The following EEF2K variants were observed in gnomAD, a reference collection of about 807,000 sequenced individuals.
EEF2K encodes the protein alternative protein EEF2K.
In EEF2K, 70 loss-of-function variants were observed where a neutral mutation model predicts 93.8. The ratio of observed to expected loss-of-function variants is 0.75; its 90% CI spans 0.62 to 0.91. EEF2K has a LOEUF of 0.91. EEF2K is among the 40% of genes least tolerant of loss of function. The pLI is 0.00. For missense variants in EEF2K, 935 were observed against 972.9 expected (o/e 0.96, Z 0.52); for synonymous variants, 376 against 380.8 (o/e 0.99, Z 0.15).
chr16:22,257,291 G>T lies in EEF2K; in HGVS notation c.807G>T (p.Gln269His). 6.2e-7 allele frequency: 1 copy of T among 1,614,142 alleles called. No homozygotes were observed. The highest frequency in any genetic ancestry group is 2.2e-5 in the East Asian group (1 of 44,870). Residue 269 changes from glutamine to histidine, a missense_variant, in exon 8 of 18, where the codon CAG becomes CAT. Physicochemically the swap from Gln to His is conservative, Grantham distance 24. Coordinates refer to ENST00000263026, the MANE Select transcript of EEF2K (RefSeq NM_013302.5). ...SHFTFERSGH[Q>H]LIVVDIQGVG... Reference sequence around the variant, plus strand: ...TCACTTTTGAGCGTTCCGGCCATCAGCTGATAGTGGTGGACATCCAGGGAG... The same window carrying T: ...TCACTTTTGAGCGTTCCGGCCATCATCTGATAGTGGTGGACATCCAGGGAG...
Position 22,250,763 on chromosome 16 carries a change from G to A in EEF2K, c.446+72G>A, listed in dbSNP as rs1301610213. ...AGGCTCCTAAGAGCTGAGGCATTGGGACATTTTCAGCCAAGGAATGGAGCC... is the reference window on the plus strand; with the variant it reads ...AGGCTCCTAAGAGCTGAGGCATTGGAACATTTTCAGCCAAGGAATGGAGCC... On this transcript the variant is annotated intron_variant, in intron 5 of 17. Coordinates refer to ENST00000263026, the MANE Select transcript of EEF2K (RefSeq NM_013302.5). The A allele has an allele frequency of 3.8e-6, 6 of 1,597,746 alleles. No individual in the cohort carries two copies. The East Asian group carries it at 1.1e-4, about 30-fold the overall frequency.
intron 2 of EEF2K, among the ~76,000 whole-genome samples, chr16:22,239,427 A>C (rs2047199412): frequency 6.6e-6 from 1 of 152,194 alleles, no homozygotes; most frequent in Non-Finnish European, 1.5e-5. Context: ...CTGAATTCTC[A>C]ACCCTGCAGG....
intron 1 of EEF2K, among the ~76,000 whole-genome samples, chr16:22,221,257 T>TG (rs1231001789): frequency 6.6e-6 from 1 of 151,624 alleles, no homozygotes; most frequent in Admixed American, 6.6e-5. Flanking sequence ...GAGGCCAAGG[T>TG]GGGAGGATCA....
Position 22,251,219 on chromosome 16 carries a change from A to C in EEF2K, c.515A>C (p.Tyr172Ser), listed in dbSNP as rs1335075505. Residue 172 changes from tyrosine to serine, a missense_variant, in exon 6 of 18, where the codon TAC (tyrosine) becomes TCC (serine). By Grantham distance (144) the Tyr-to-Ser change is moderately radical. Coordinates refer to ENST00000263026, the MANE Select transcript of EEF2K (RefSeq NM_013302.5). Reference sequence around the variant, plus strand: ...GCCTCCAACTACGTGGCGAAGCGCTACATCGAGCCCGTAGACCGGGATGTG... The same window carrying C: ...GCCTCCAACTACGTGGCGAAGCGCTCCATCGAGCCCGTAGACCGGGATGTG... ...KGASNYVAKR[Y>S]IEPVDRDVYF... 6.2e-7 allele frequency: 1 copy of C among 1,614,112 alleles called. No homozygotes were observed. Among genetic ancestry groups the C allele is most frequent in the Non-Finnish European group, 8.5e-7 (1 of 1,180,006 alleles).
intron 15 of EEF2K, among the ~76,000 whole-genome samples, chr16:22,270,171 T>C (rs1421213809): frequency 2.6e-5 from 4 of 151,504 alleles, no homozygotes; most frequent in African/African-American, 9.7e-5. Context: ...CAGGCTGGAG[T>C]GTGATGGCAT....
intron 1 of EEF2K, among the ~76,000 whole-genome samples, chr16:22,210,070 C>T (rs1047609336): frequency 1.3e-5 from 2 of 152,200 alleles, no homozygotes; most frequent in Non-Finnish European, 2.9e-5. Flanking sequence ...GTTAGGATCA[C>T]AGGCATGAGC....
intron 15 of EEF2K, among the ~76,000 whole-genome samples, chr16:22,272,922 C>T (rs757024156): frequency 5.3e-5 from 8 of 152,154 alleles, no homozygotes; most frequent in Non-Finnish European, 1.0e-4. Context: ...ATGATCCACC[C>T]GCCTTGACCT....
intron 3 of EEF2K, among the ~76,000 whole-genome samples, chr16:22,247,037 CAAAAAAAAAAAA>C (rs57073413): frequency 4.5e-3 from 62 of 13,698 alleles, no homozygotes; most frequent in South Asian, 8.3e-3. Flanking sequence ...GACTCCATCT[CAAAAAAAAAAAA>C]AAAAAAAAAA....
At chr16:22,259,500 G>A (rs1346497307) in intron 10 of EEF2K, among the ~76,000 whole-genome samples, 1 of 152,154 alleles carries the variant, frequency 6.6e-6, no homozygotes, top group East Asian at 1.9e-4. Context: ...AAAGGTCAGA[G>A]AGTAAATATT....
intron 2 of EEF2K, among the ~76,000 whole-genome samples, chr16:22,239,976 G>A (rs1361309682): frequency 6.6e-6 from 1 of 152,050 alleles, no homozygotes; most frequent in Non-Finnish European, 1.5e-5. Context: ...GGTGGCGCAA[G>A]CCTGTAGTCC....
chr16:22,260,618 G>A, intron 11 of EEF2K, 89 bp downstream of exon 11: 1 of 1,553,946 alleles, frequency 6.4e-7, no homozygotes, highest in Non-Finnish European at 8.9e-7. Flanking sequence ...CAGCTTCGGA[G>A]GTGGGCAGCC....
chr16:22,261,962 G>T (rs1169001090), intron 11 of EEF2K, among the ~76,000 whole-genome samples: 1 of 150,408 alleles, frequency 6.6e-6, no homozygotes, highest in Non-Finnish European at 1.5e-5. Flanking sequence ...CTGAGATCAC[G>T]CCACTGCACT....
At chr16:22,251,426 T>C in intron 6 of EEF2K, 104 bp downstream of exon 6, 1 of 1,398,382 alleles carries the variant, frequency 7.2e-7, no homozygotes, top group South Asian at 1.5e-5. Context: ...CTTTTTTTTT[T>C]TTTTTGAGAT....
chr16:22,272,720 G>A (rs1444783299), intron 15 of EEF2K, among the ~76,000 whole-genome samples: 1 of 151,040 alleles, frequency 6.6e-6, no homozygotes, highest in Non-Finnish European at 1.5e-5. Flanking sequence ...GCAGTGCAGT[G>A]GCTTGATCTC....
At chr16:22,265,553 A>G (rs549211128) in intron 13 of EEF2K, among the ~76,000 whole-genome samples, 1 of 152,224 alleles carries the variant, frequency 6.6e-6, no homozygotes, top group African/African-American at 2.4e-5. Flanking sequence ...CTCCCAGAAC[A>G]CTGATTATTT....
rs1393963078 is a variant in EEF2K at position 22,264,857 on chromosome 16, G to T, written c.1417G>T (p.Asp473Tyr). The T allele has an allele frequency of 9.9e-6, 16 of 1,613,872 alleles. No homozygotes were observed. The East Asian group carries it at 2.7e-4, about 27-fold the overall frequency. ...TAATCGGAAGTACGAGTCTGACGAA[G>T]ACAGCCTGGGCAGCTCTGGACGGGT... ...YSNRKYESDE[D>Y]SLGSSGRVCV... The change falls in exon 13 of 18, where the codon GAC becomes TAC. Residue 473 changes from aspartate (D) to tyrosine (Y), a missense_variant. Asp to Tyr is a radical substitution (Grantham distance 160). Transcript: ENST00000263026.
At chr16:22,248,176 T>A (rs2141667777) in intron 3 of EEF2K, among the ~76,000 whole-genome samples, 1 of 152,276 alleles carries the variant, frequency 6.6e-6, no homozygotes, top group South Asian at 2.1e-4. Context: ...GCGATTCTCC[T>A]GCCTCAGCCT....
In EEF2K at chr16:22,273,712, G is replaced by A. The variant is rs769244376; in HGVS notation, c.1851G>A (p.Ala617=). The A allele has an allele frequency of 7.4e-6, 12 of 1,614,020 alleles. No homozygotes were observed. Among genetic ancestry groups the A allele is most frequent in the Admixed American group, 1.7e-5 (1 of 59,998 alleles). ...AGDRQSMILV[A]RAFDSGQNLS... is the part of the protein sequence containing the mutation. ...ACAGGCAGTCCATGATCCTAGTGGCGCGAGCTTTTGACTCTGGCCAGAACC... is the reference window on the plus strand; with the variant it reads ...ACAGGCAGTCCATGATCCTAGTGGCACGAGCTTTTGACTCTGGCCAGAACC... Residue 617 remains alanine, a synonymous_variant, in exon 16 of 18, where the codon GCG becomes GCA. Coordinates refer to ENST00000263026, the MANE Select transcript of EEF2K (RefSeq NM_013302.5).
chr16:22,257,637 C>T lies in EEF2K; in HGVS notation c.902-6C>T, dbSNP rs781192541. The T allele has an allele frequency of 1.2e-6, 2 of 1,612,518 alleles. No individual in the cohort carries two copies. The highest frequency in any genetic ancestry group is 1.7e-5 in the Admixed American group (1 of 60,012). The stretch of plus-strand genomic sequence containing the variant: ...AACACTCCAGACACCCCCGCTCTGT[C>T]CACAGGTGTCCGCGGGATGGCGCTC... On this transcript the variant is annotated splice_polypyrimidine_tract_variant and splice_region_variant and intron_variant, in intron 8 of 17. Transcript: ENST00000263026.
Sources: gnomAD v4.1 joint callset for allele counts (sites outside exome capture counted in the v4.1 genomes callset) on GRCh38, gnomAD v4.1.1 for gene constraint, MANE v1.5 for transcripts, NCBI Gene and HGNC (gene_info 2026-07-23, HGNC 2026-07-21) for gene names.